The following AFAP1L1 variants were observed in gnomAD, a reference collection of about 807,000 sequenced individuals.
AFAP1L1 encodes the protein actin filament-associated protein 1-like 1.
A neutral mutation model predicts 99.8 loss-of-function variants in AFAP1L1; 77 were observed. The observed-to-expected ratio is 0.77, with a 90% CI of 0.64 to 0.93. The LOEUF (loss-of-function observed/expected upper bound fraction) is 0.93. Ranked by LOEUF, AFAP1L1 falls within the 40% of genes least tolerant of loss-of-function variation. The pLI, the probability that AFAP1L1 is intolerant of heterozygous loss-of-function variation, is 0.00. For missense variants in AFAP1L1, 893 were observed against 996.8 expected, an observed-to-expected ratio of 0.90 and a Z score of 1.40; for synonymous variants, 373 against 395.3, an observed-to-expected ratio of 0.94 and a Z score of 0.67.
At chr5:149,306,248 T>G (rs1756406468) in intron 5 of AFAP1L1, 58 bp from the exon 6 acceptor site, 3 of 1,470,696 alleles carry the variant, frequency 2.0e-6, no homozygotes, top group Non-Finnish European at 2.8e-6. Flanking sequence ...CCCCCAGTCC[T>G]GGCCCCTGGA....
chr5:149,335,036 T>C (rs1757364379), intron 17 of AFAP1L1, among the ~76,000 whole-genome samples: 1 of 152,246 alleles, frequency 6.6e-6, no homozygotes, highest in South Asian at 2.1e-4. Flanking sequence ...ACCTACTTCA[T>C]AGGCTTGTTG....
intron 7 of AFAP1L1, among the ~76,000 whole-genome samples, chr5:149,307,976 T>C (rs962776582): frequency 3.3e-5 from 5 of 152,000 alleles, no homozygotes; most frequent in Non-Finnish European, 7.4e-5. Flanking sequence ...GCCAACATGG[T>C]GAAACCCCAT....
chr5:149,276,515 A>G (rs1436784247), intron 1 of AFAP1L1, among the ~76,000 whole-genome samples: 1 of 152,232 alleles, frequency 6.6e-6, no homozygotes, highest in African/African-American at 2.4e-5. Context: ...CCTGTCTACC[A>G]CATCATACAT....
At position 149,335,583 on chromosome 5, in the gene AFAP1L1, G is replaced by T. The variant is rs1757384367; in HGVS notation, c.2155-11G>T. ...GATCTCACCTATATAATTATTTATT[G>T]CCATCAACAGGAAACTGCAAATAAA... On this transcript the variant is annotated splice_polypyrimidine_tract_variant and intron_variant, in intron 17 of 18. Transcript: ENST00000296721. 6.2e-7 allele frequency: 1 copy of T among 1,611,712 alleles called. No individual in the cohort carries two copies. Among genetic ancestry groups the T allele is most frequent in the South Asian group, 1.1e-5 (1 of 90,940 alleles).
chr5:149,301,123 C>T lies in AFAP1L1; in HGVS notation c.230-10C>T. 2.5e-6 allele frequency: 4 copies of T among 1,613,164 alleles called. No individual in the cohort carries two copies. The highest frequency in any genetic ancestry group is 3.4e-6 in the Non-Finnish European group (4 of 1,179,294). On this transcript the variant is annotated splice_polypyrimidine_tract_variant and intron_variant, in intron 3 of 18. Transcript: ENST00000296721. Reference sequence around the variant, plus strand: ...TGGCTTTCTTTGCCCAATGGCCTGTCCCTCTGTAGACTGTGACCTGAGTGA... The same window carrying T: ...TGGCTTTCTTTGCCCAATGGCCTGTTCCTCTGTAGACTGTGACCTGAGTGA...
chr5:149,315,620 G>A, intron 9 of AFAP1L1: 1 of 566,710 alleles, frequency 1.8e-6, no homozygotes, highest in South Asian at 2.0e-5. Context: ...ACTGTGAATT[G>A]CCCAAAGACA....
chr5:149,277,763 C>T (rs938254023), intron 1 of AFAP1L1, among the ~76,000 whole-genome samples: 1 of 152,142 alleles, frequency 6.6e-6, no homozygotes, highest in South Asian at 2.1e-4. Context: ...TTTTCTGACC[C>T]TTCAGTGTCT....
At chr5:149,305,296 C>A (rs997951479) in intron 5 of AFAP1L1, among the ~76,000 whole-genome samples, 3 of 152,182 alleles carry the variant, frequency 2.0e-5, no homozygotes, top group African/African-American at 7.2e-5. Flanking sequence ...AGGATTTGAA[C>A]TCAACTCTGA....
intron 1 of AFAP1L1, among the ~76,000 whole-genome samples, chr5:149,297,503 G>A (rs78194776): frequency 1.3e-4 from 20 of 152,242 alleles, no homozygotes; most frequent in South Asian, 8.3e-4. Context: ...ATGGAAACAC[G>A]CACAGAAAGC....
In AFAP1L1 at chr5:149,320,492, G is replaced by A. The variant is rs2127600051; in HGVS notation, c.1698+29G>A. On this transcript the variant is annotated intron_variant, in intron 14 of 18. Coordinates refer to ENST00000296721, the MANE Select transcript of AFAP1L1 (RefSeq NM_152406.4). The surrounding 1 kb of genome is among the most constrained non-coding windows in gnomAD (Gnocchi z 4.0). The stretch of plus-strand genomic sequence containing the variant: ...CAGTCCCTTGGGGCTGCCCAGGAAT[G>A]TGGCAAAGGCCACTTATTAGCTCTC... 5 of 1,605,616 alleles carry A rather than the reference G, an allele frequency of 3.1e-6. No homozygotes were observed. Among genetic ancestry groups the A allele is most frequent in the Non-Finnish European group, 4.3e-6 (5 of 1,172,496 alleles).
Position 149,319,591 on chromosome 5 carries a change from T to C in AFAP1L1, c.1489T>C (p.Ser497Pro). Residue 497 changes from serine to proline, a missense_variant, in exon 13 of 19, where the codon TCA becomes CCA. Ser to Pro is a moderately conservative substitution (Grantham distance 74). Transcript: ENST00000296721. ...GCCTCCTGTCCTTCAGGCAAGCTGT[T>C]CAGAGGACATGGGTCGCTGGCTCGG... is the stretch of plus-strand genomic sequence containing the variant. ...QEVAILEASC[S>P]EDMGRWLGLL... The C allele has an allele frequency of 6.2e-7, 1 of 1,610,872 alleles. No individual in the cohort carries two copies.
chr5:149,302,716 G>C (rs1166579181), intron 5 of AFAP1L1, 190 bp downstream of exon 5: 4 of 490,126 alleles, frequency 8.2e-6, no homozygotes, highest in African/African-American at 2.0e-5. Context: ...CCAATATGTG[G>C]GGCCCCAGGG....
intron 17 of AFAP1L1, among the ~76,000 whole-genome samples, chr5:149,334,914 A>G (rs1581346914): frequency 6.6e-6 from 1 of 152,168 alleles, no homozygotes; most frequent in East Asian, 1.9e-4. Context: ...GAAAGAAAGA[A>G]AGGGCTATGG....
chr5:149,313,035 G>C (rs1479898680), intron 9 of AFAP1L1, among the ~76,000 whole-genome samples: 3 of 151,704 alleles, frequency 2.0e-5, no homozygotes, highest in Non-Finnish European at 2.9e-5. Context: ...GCTGAGGGAG[G>C]AGAATTGCTT....
chr5:149,322,722 G>C lies in AFAP1L1; in HGVS notation c.1810+5G>C. 1 of 1,571,870 alleles carries C rather than the reference G, an allele frequency of 6.4e-7. No homozygotes were observed. The highest frequency in any genetic ancestry group is 8.6e-7 in the Non-Finnish European group (1 of 1,156,876). On this transcript the variant is annotated splice_donor_5th_base_variant and intron_variant, in intron 15 of 18. Transcript: ENST00000296721. ...AAGTCAAACGCCACGCCTCCAGTGA[G>C]TTGTGTGTGGGCCTCCCCTGCTGAC... is the stretch of plus-strand genomic sequence containing the variant.
intron 1 of AFAP1L1, among the ~76,000 whole-genome samples, chr5:149,291,456 G>T (rs1161597898): frequency 2.7e-5 from 4 of 146,314 alleles, no homozygotes; most frequent in African/African-American, 1.0e-4. Flanking sequence ...AACCCAGGAG[G>T]CGGAGGTTGC....
In AFAP1L1 at chr5:149,297,024, C is replaced by T. The variant is rs557026819; in HGVS notation, c.17-2485C>T. 1.8e-3 allele frequency among the ~76,000 whole-genome samples: 274 copies of T among 152,272 alleles called. 1 individual carries two copies. The highest frequency in any genetic ancestry group is 6.1e-3 in the African/African-American group (255 of 41,542). ...ATGATTCAGTTACCTCCCACTGGGT[C>T]TCTCCCATGATACGTGGGGATTCTG... On this transcript the variant is annotated intron_variant, in intron 1 of 18. Coordinates refer to ENST00000296721, the MANE Select transcript of AFAP1L1 (RefSeq NM_152406.4).
chr5:149,303,198 T>C (rs1581313395), intron 5 of AFAP1L1, among the ~76,000 whole-genome samples: 1 of 152,280 alleles, frequency 6.6e-6, no homozygotes, highest in African/African-American at 2.4e-5. Context: ...TATACATATA[T>C]AACATAGAAA....
At chr5:149,276,765 TC>T (rs1327398213) in intron 1 of AFAP1L1, 1 of 152,244 alleles carries the variant, frequency 6.6e-6, no homozygotes, top group Non-Finnish European at 1.5e-5. Context: ...GCTTTTTGAG[TC>T]CCTGCTCTGT....
Sources: allele counts gnomAD v4.1 joint callset (sites outside exome capture counted in the v4.1 genomes callset), GRCh38; gene constraint gnomAD v4.1.1; non-coding constraint Gnocchi (gnomAD v3.1); transcripts MANE v1.5; gene names NCBI Gene and HGNC (gene_info 2026-07-23, HGNC 2026-07-21).